Variants in ZNF777 observed in about 807,000 individuals in gnomAD.
ZNF777 encodes the protein zinc finger protein 777.
ZNF777 carries 7 observed loss-of-function variants against 72.1 expected under a neutral mutation model. The ratio of observed to expected loss-of-function variants is 0.10; its 90% CI spans 0.06 to 0.18. The LOEUF is 0.18. Ranked by LOEUF, ZNF777 falls within the 10% of genes least tolerant of loss-of-function variation. The pLI is 1.00. For missense variants in ZNF777, 828 were observed against 1,128.6 expected (o/e 0.73, Z 3.82); for synonymous variants, 545 against 483.5 (o/e 1.13, Z -1.67).
intron 5 of ZNF777, among the ~76,000 whole-genome samples, chr7:149,434,620 T>A (rs1020608282): frequency 6.6e-6 from 1 of 152,250 alleles, no homozygotes; most frequent in African/African-American, 2.4e-5. Context: ...TCTGGCTCTA[T>A]CGCTCAGGCT....
chr7:149,432,985 C>T (rs1799348870), intron 5 of ZNF777, 53 bp from the exon 6 acceptor site: 1 of 1,448,302 alleles, frequency 6.9e-7, no homozygotes, highest in South Asian at 1.5e-5. Flanking sequence ...GCGCCCCTAA[C>T]CTACCTGGAT....
At position 149,454,256 on chromosome 7, in the gene ZNF777, T is replaced by C; in HGVS notation, c.847-19A>G. The stretch of plus-strand genomic sequence containing the variant: ...CAGGGACCTGAAACCACACAATAAC[T>C]CGGCTCAGACCCGCTGGAAGGCAGT... On this transcript the variant is annotated intron_variant, in intron 2 of 5. Coordinates refer to ENST00000247930, the MANE Select transcript of ZNF777 (RefSeq NM_015694.3). The C allele has an allele frequency of 6.2e-7, 1 of 1,613,532 alleles. No homozygotes were observed. The highest frequency in any genetic ancestry group is 8.5e-7 in the Non-Finnish European group (1 of 1,179,854).
At chr7:149,446,459 G>A (rs1230530016) in intron 4 of ZNF777, among the ~76,000 whole-genome samples, 1 of 152,078 alleles carries the variant, frequency 6.6e-6, no homozygotes, top group Non-Finnish European at 1.5e-5. Context: ...ATTGTGTACT[G>A]TTTTAAAAAA....
chr7:149,444,272 G>A (rs1270585996), intron 4 of ZNF777, among the ~76,000 whole-genome samples: 1 of 152,048 alleles, frequency 6.6e-6, no homozygotes, highest in Non-Finnish European at 1.5e-5. Flanking sequence ...TATTTCTTTT[G>A]CCCAGCTTAC....
At chr7:149,439,325 T>G (rs1799468018) in intron 4 of ZNF777, among the ~76,000 whole-genome samples, 1 of 152,124 alleles carries the variant, frequency 6.6e-6, no homozygotes, top group South Asian at 2.1e-4. Flanking sequence ...CTTAAAATAT[T>G]TTGCTTGCTT....
chr7:149,431,631 G>C lies in ZNF777; in HGVS notation c.*145C>G. 3 of 836,916 alleles carry C rather than the reference G, an allele frequency of 3.6e-6. No homozygotes were observed. Among genetic ancestry groups the C allele is most frequent in the Non-Finnish European group, 5.0e-6 (3 of 601,256 alleles). 51.8% of individuals were successfully genotyped at this position (836,916 alleles called of 1,614,324 possible). Reference sequence around the variant, plus strand: ...CTGGTCTCACTGCCCCCATGTCCTTGGGAGGAGGGACGAGAGGAGAGGGGG... The same window carrying C: ...CTGGTCTCACTGCCCCCATGTCCTTCGGAGGAGGGACGAGAGGAGAGGGGG... On this transcript the variant is annotated 3_prime_UTR_variant, in exon 6 of 6. Coordinates refer to ENST00000247930, the MANE Select transcript of ZNF777 (RefSeq NM_015694.3).
At chr7:149,437,949 G>C (rs139506825) in intron 4 of ZNF777, among the ~76,000 whole-genome samples, 1 of 150,830 alleles carries the variant, frequency 6.6e-6, no homozygotes, top group Admixed American at 6.6e-5. Context: ...GTGTGGTCTC[G>C]GTTCACTGCA....
chr7:149,432,001 C>T lies in ZNF777; in HGVS notation c.2271G>A (p.Lys757=). Residue 757 remains lysine, a synonymous_variant, in exon 6 of 6, where the codon AAG becomes AAA. Transcript: ENST00000247930. ...ERPHACPECG[K]SFIRKHHLLE... is the part of the protein sequence containing the mutation. ...GGAGGTGGTGCTTGCGGATGAAGCT[C>T]TTGCCGCACTCGGGGCAGGCGTGCG... The T allele has an allele frequency of 6.2e-7, 1 of 1,610,588 alleles. No homozygotes were observed. The highest frequency in any genetic ancestry group is 8.5e-7 in the Non-Finnish European group (1 of 1,179,622).
At chr7:149,451,553 G>C (rs190657244) in intron 3 of ZNF777, among the ~76,000 whole-genome samples, 1 of 152,130 alleles carries the variant, frequency 6.6e-6, no homozygotes, top group Admixed American at 6.5e-5. Context: ...TTAGCCAGGC[G>C]TGGTGGCGGA....
intron 4 of ZNF777, among the ~76,000 whole-genome samples, chr7:149,442,944 T>C (rs1799549271): frequency 6.6e-6 from 1 of 152,202 alleles, no homozygotes; most frequent in Non-Finnish European, 1.5e-5. Context: ...GAAACAAACA[T>C]TCTCATGCTT....
Position 149,436,052 on chromosome 7 carries a change from T to C in ZNF777, c.1339+523A>G, listed in dbSNP as rs117828068. On this transcript the variant is annotated intron_variant, in intron 5 of 5. Transcript: ENST00000247930. The surrounding 1 kb of genome is among the most constrained non-coding windows in gnomAD (Gnocchi z 5.0). ...GCCACCGTGAGCCCCAGTGCCTTACTGTTCTTGAACTCAGAAGGAGCAAGA... is the reference window on the plus strand; with the variant it reads ...GCCACCGTGAGCCCCAGTGCCTTACCGTTCTTGAACTCAGAAGGAGCAAGA... Among the ~76,000 whole-genome samples, 1,201 of 152,328 alleles carry C rather than the reference T, an allele frequency of 7.9e-3. 13 individuals carry two copies. Among genetic ancestry groups the C allele is most frequent in the Middle Eastern group, 0.041 (12 of 294 alleles).
At chr7:149,449,667 G>T (rs1462308016) in intron 4 of ZNF777, among the ~76,000 whole-genome samples, 1 of 151,836 alleles carries the variant, frequency 6.6e-6, no homozygotes, top group African/African-American at 2.4e-5. Context: ...TTTGCTTTTG[G>T]ATGTGGCCAC....
intron 1 of ZNF777, among the ~76,000 whole-genome samples, chr7:149,456,255 T>G (rs921850732): frequency 6.6e-6 from 1 of 152,192 alleles, no homozygotes; most frequent in Non-Finnish European, 1.5e-5. Flanking sequence ...ATGCTACCTT[T>G]TGTTTCTCAC....
In ZNF777 at chr7:149,455,859, G is replaced by C; in HGVS notation, c.164C>G (p.Ser55Cys). 1 of 1,614,060 alleles carries C rather than the reference G, an allele frequency of 6.2e-7. No individual in the cohort carries two copies. ...GGGAGCACTGGAAGTTTGGGGCAGGGAGCCTTGACGGGGAATGGTGGGAGA... is the reference window on the plus strand; with the variant it reads ...GGGAGCACTGGAAGTTTGGGGCAGGCAGCCTTGACGGGGAATGGTGGGAGA... ...SLSPTIPRQGSLPQTSSAPKQ... is the reference protein window; with the variant it reads ...SLSPTIPRQGCLPQTSSAPKQ... The change falls in exon 2 of 6, where the codon TCC becomes TGC. Residue 55 changes from serine to cysteine, a missense_variant. Ser to Cys is a moderately radical substitution (Grantham distance 112, BLOSUM62 -1). Transcript: ENST00000247930. This position sits in a 1 kb window ranked among gnomAD's most constrained non-coding sequence, Gnocchi z 4.2.
chr7:149,444,153 G>C (rs1049366355), intron 4 of ZNF777, among the ~76,000 whole-genome samples: 2 of 152,140 alleles, frequency 1.3e-5, no homozygotes, highest in Non-Finnish European at 2.9e-5. Flanking sequence ...TCAATACTGG[G>C]TGTTTACCTC....
chr7:149,459,357 GAGA>G (rs1283365514), intron 1 of ZNF777, among the ~76,000 whole-genome samples: 2 of 152,176 alleles, frequency 1.3e-5, no homozygotes, highest in Non-Finnish European at 2.9e-5. Context: ...CCCAACCCCT[GAGA>G]AGCTTACTCC....
At chr7:149,448,030 T>C (rs1186083291) in intron 4 of ZNF777, among the ~76,000 whole-genome samples, 1 of 152,212 alleles carries the variant, frequency 6.6e-6, no homozygotes, top group African/African-American at 2.4e-5. Flanking sequence ...TCTTCATAAA[T>C]GTGATTTTAG....
At chr7:149,457,216 G>T (rs1323363219) in intron 1 of ZNF777, among the ~76,000 whole-genome samples, 1 of 152,150 alleles carries the variant, frequency 6.6e-6, no homozygotes, top group Non-Finnish European at 1.5e-5. Flanking sequence ...GAATCACTGG[G>T]GAGGCGAAGC....
intron 4 of ZNF777, among the ~76,000 whole-genome samples, chr7:149,444,254 C>T (rs577126219): frequency 2.1e-3 from 321 of 152,316 alleles, no homozygotes; most frequent in Non-Finnish European, 3.8e-3. Flanking sequence ...TTCCCTAGAT[C>T]TGACACTTAT....
Sources: gnomAD v4.1 joint callset for allele counts (sites outside exome capture counted in the v4.1 genomes callset) on GRCh38, gnomAD v4.1.1 for gene constraint, Gnocchi (gnomAD v3.1) non-coding constraint, MANE v1.5 for transcripts, NCBI Gene and HGNC (gene_info 2026-07-23, HGNC 2026-07-21) for gene names.